CSMD3: variants seen among roughly 807,000 people sequenced by gnomAD.
CSMD3 encodes CUB and sushi domain-containing protein 3.
A neutral mutation model predicts 435.2 loss-of-function variants in CSMD3; 177 were observed. The observed-to-expected ratio is 0.41, with a 90% CI of 0.36 to 0.46. The LOEUF (loss-of-function observed/expected upper bound fraction) is 0.46. CSMD3 is among the 20% of genes least tolerant of loss of function. The probability of loss-of-function intolerance (pLI) is 0.34; values close to 1 mark genes in which losing one functional copy is unlikely to be tolerated. For missense variants in CSMD3, 4,265 were observed against 4,504.6 expected (o/e 0.95, Z 1.52); for synonymous variants, 1,656 against 1,520.5 (o/e 1.09, Z -2.07).
intron 63 of CSMD3, 146 bp downstream of exon 63, chr8:112,254,107 T>C: frequency 1.4e-6 from 1 of 703,246 alleles, no homozygotes; most frequent in Admixed American, 2.3e-5. Flanking sequence ...TTACTTCCAC[T>C]CTTTTGCTGT....
At chr8:112,775,854 AT>A (rs1370232639) in intron 13 of CSMD3, among the ~76,000 whole-genome samples, 22 of 151,930 alleles carry the variant, frequency 1.4e-4, no homozygotes, top group Admixed American at 1.4e-3. Flanking sequence ...TCACAATAGT[AT>A]TCTAAATCTG....
intron 27 of CSMD3, among the ~76,000 whole-genome samples, chr8:112,543,222 AG>A (rs33983093): frequency 0.31 from 46,475 of 151,974 alleles, 7,244 homozygotes; most frequent in East Asian, 0.47. Context: ...ATGACACCAA[AG>A]GCATAGGTGA....
intron 40 of CSMD3, among the ~76,000 whole-genome samples, 169 bp from the exon 41 acceptor site, chr8:112,346,382 C>G (rs1347343662): frequency 6.6e-6 from 1 of 152,142 alleles, no homozygotes; most frequent in East Asian, 1.9e-4. Flanking sequence ...TAATCAACAA[C>G]AGATTTTCTA....
chr8:112,893,596 T>C (rs1045028655), intron 10 of CSMD3, among the ~76,000 whole-genome samples: 2 of 151,544 alleles, frequency 1.3e-5, no homozygotes, highest in African/African-American at 4.8e-5. Flanking sequence ...CCTGTTTCTC[T>C]GACTTCTTCC....
intron 1 of CSMD3, among the ~76,000 whole-genome samples, chr8:113,430,245 G>A (rs1409364885): frequency 6.6e-6 from 1 of 152,194 alleles, no homozygotes; most frequent in Admixed American, 6.5e-5. Context: ...GATAAAGTGC[G>A]AGTTCATACA....
intron 35 of CSMD3, among the ~76,000 whole-genome samples, chr8:112,399,263 A>C (rs1343584421): frequency 1.3e-5 from 1 of 77,490 alleles, no homozygotes; most frequent in East Asian, 3.3e-4. Flanking sequence ...TTTTGATTCC[A>C]AATTTTTTTT....
At chr8:112,819,082 CT>C in intron 12 of CSMD3, among the ~76,000 whole-genome samples, 1 of 152,178 alleles carries the variant, frequency 6.6e-6, no homozygotes, top group South Asian at 2.1e-4. Context: ...CAGCATAGGC[CT>C]TTTTTCCAGG....
intron 4 of CSMD3, among the ~76,000 whole-genome samples, chr8:113,104,852 A>C (rs1389332703): frequency 6.6e-6 from 1 of 152,138 alleles, no homozygotes; most frequent in Non-Finnish European, 1.5e-5. Flanking sequence ...AGAGCAAAGT[A>C]TAATGGCATT....
At position 113,246,909 on chromosome 8, in the gene CSMD3, T is replaced by A. The variant is rs559448440; in HGVS notation, c.514+31683A>T. On this transcript the variant is annotated intron_variant, in intron 3 of 70. Coordinates refer to ENST00000297405, the MANE Select transcript of CSMD3 (RefSeq NM_198123.2). ...ATCTTAGATACTTTGCTGGAGAGGT[T>A]TGTTTGTGTGCTGGGATACACATGC... Among the ~76,000 whole-genome samples, 5 of 152,284 alleles carry A rather than the reference T, an allele frequency of 3.3e-5. No homozygotes were observed. The East Asian group carries it at 7.7e-4, about 24-fold the overall frequency.
chr8:112,228,411 C>A (rs1346006426), intron 70 of CSMD3, among the ~76,000 whole-genome samples: 1 of 152,110 alleles, frequency 6.6e-6, no homozygotes, highest in Non-Finnish European at 1.5e-5. Context: ...GCAGATATTA[C>A]CTCTCCAATT....
chr8:112,641,735 G>A (rs1393054435), intron 20 of CSMD3, among the ~76,000 whole-genome samples: 1 of 152,098 alleles, frequency 6.6e-6, no homozygotes, highest in East Asian at 1.9e-4. Flanking sequence ...CTACTCAGGA[G>A]GCTGAGGTGG....
chr8:112,307,270 G>A (rs532064641), intron 50 of CSMD3, among the ~76,000 whole-genome samples: 25 of 151,740 alleles, frequency 1.6e-4, no homozygotes, highest in Admixed American at 5.9e-4. Flanking sequence ...CTACAGGTGC[G>A]TACCACCATA....
intron 5 of CSMD3, among the ~76,000 whole-genome samples, chr8:113,048,389 A>G (rs949904970): frequency 2.0e-5 from 3 of 152,082 alleles, no homozygotes; most frequent in Non-Finnish European, 2.9e-5. Context: ...CACCGCGCCC[A>G]GCCAAACTTC....
intron 1 of CSMD3, among the ~76,000 whole-genome samples, chr8:113,399,696 T>G (rs2094501081): frequency 6.6e-6 from 1 of 151,846 alleles, no homozygotes; most frequent in Non-Finnish European, 1.5e-5. Context: ...TTCTTTGATG[T>G]GTGTGTTGTG....
At chr8:113,323,292 TC>T (rs1359509278) in intron 1 of CSMD3, among the ~76,000 whole-genome samples, 1 of 152,206 alleles carries the variant, frequency 6.6e-6, no homozygotes, top group African/African-American at 2.4e-5. Context: ...TGAACACTCT[TC>T]ATTAAAAAGA....
intron 1 of CSMD3, among the ~76,000 whole-genome samples, chr8:113,377,990 G>A (rs576810080): frequency 6.6e-6 from 1 of 152,128 alleles, no homozygotes; most frequent in South Asian, 2.1e-4. Flanking sequence ...AAACTACTGA[G>A]GGAATACAAT....
chr8:112,302,693 ACT>A (rs967706402), intron 52 of CSMD3, among the ~76,000 whole-genome samples: 59 of 151,780 alleles, frequency 3.9e-4, no homozygotes, highest in Non-Finnish European at 1.3e-4. Context: ...GCTCAAAACA[ACT>A]CTCTAGGTTT....
chr8:112,554,041 T>C (rs936335958), intron 25 of CSMD3, among the ~76,000 whole-genome samples: 1 of 151,942 alleles, frequency 6.6e-6, no homozygotes, highest in African/African-American at 2.4e-5. Context: ...AAAAAAGAAA[T>C]TCTTTCTCAA....
chr8:113,410,229 G>A (rs2094551941), intron 1 of CSMD3, among the ~76,000 whole-genome samples: 1 of 152,074 alleles, frequency 6.6e-6, no homozygotes, highest in South Asian at 2.1e-4. Flanking sequence ...CAGACCTCGG[G>A]CAATTCCTGT....
Sources: gnomAD v4.1 joint callset for allele counts (sites outside exome capture counted in the v4.1 genomes callset) on GRCh38, gnomAD v4.1.1 for gene constraint, MANE v1.5 for transcripts, NCBI Gene and HGNC (gene_info 2026-07-23, HGNC 2026-07-21) for gene names.